The following OCM variants were observed in gnomAD, a reference collection of about 807,000 sequenced individuals.
OCM encodes oncomodulin.
A neutral mutation model predicts 14.1 loss-of-function variants in OCM; 18 were observed. The ratio of observed to expected loss-of-function variants is 1.28; its 90% CI spans 0.88 to 1.89. The LOEUF (loss-of-function observed/expected upper bound fraction) is 1.89. Ranked by LOEUF, OCM falls within the 40% of genes most tolerant of loss-of-function variation. OCM has a pLI of 0.00. For synonymous variants in OCM, 48 were observed against 51.0 expected (o/e 0.94, Z 0.25); for missense variants, 140 against 137.6 (o/e 1.02, Z -0.09).
chr7:5,881,320 A>G (rs1276065501), intron 1 of OCM, among the ~76,000 whole-genome samples: 1 of 143,880 alleles, frequency 7.0e-6, no homozygotes, highest in African/African-American at 2.6e-5. Context: ...TCTGTCTACA[A>G]AAAAAAAAAA....
At chr7:5,884,848 G>A (rs1373513236) in intron 3 of OCM, among the ~76,000 whole-genome samples, 3 of 152,100 alleles carry the variant, frequency 2.0e-5, no homozygotes, top group African/African-American at 7.2e-5. Flanking sequence ...GGCTGGGCGT[G>A]GTGGCTCAGG....
At chr7:5,865,270 G>A in the OCM span, among the ~76,000 whole-genome samples, 3 of 152,164 alleles carry the variant, frequency 2.0e-5, no homozygotes, top group East Asian at 1.9e-4. Flanking sequence ...ATTATTAAGC[G>A]CCTGGGTGTG....
At chr7:5,860,038 G>A in the OCM span, among the ~76,000 whole-genome samples, 1 of 141,202 alleles carries the variant, frequency 7.1e-6, no homozygotes, top group African/African-American at 2.7e-5. Flanking sequence ...TCATGGGGAT[G>A]TCTGCCCAAT....
the OCM span, among the ~76,000 whole-genome samples, chr7:5,862,207 A>T: frequency 2.0e-5 from 3 of 152,216 alleles, no homozygotes; most frequent in African/African-American, 7.2e-5. Flanking sequence ...GTAAATTCTC[A>T]GGACCCCAAA....
intron 3 of OCM, 90 bp downstream of exon 3, chr7:5,884,089 A>G: frequency 2.1e-6 from 3 of 1,437,814 alleles, no homozygotes; most frequent in East Asian, 2.5e-5. Context: ...AATGTGGCTT[A>G]AAATCTCCCT....
At chr7:5,859,976 C>A in the OCM span, among the ~76,000 whole-genome samples, 1 of 152,068 alleles carries the variant, frequency 6.6e-6, no homozygotes, top group Non-Finnish European at 1.5e-5. Flanking sequence ...GTGTGAGCCA[C>A]CGCGCCCAGC....
chr7:5,869,017 C>G, the OCM span, among the ~76,000 whole-genome samples: 2 of 151,864 alleles, frequency 1.3e-5, no homozygotes, highest in African/African-American at 4.8e-5. Context: ...GAGCTGAGAT[C>G]GCGCCATTGT....
At chr7:5,872,823 A>G in the OCM span, among the ~76,000 whole-genome samples, 3 of 152,124 alleles carry the variant, frequency 2.0e-5, 1 homozygote, top group Non-Finnish European at 4.4e-5. Context: ...CTATTATCCT[A>G]TGACCCTGCC....
At chr7:5,860,722 G>A in the OCM span, among the ~76,000 whole-genome samples, 36 of 130,950 alleles carry the variant, frequency 2.7e-4, 7 homozygotes, top group East Asian at 2.6e-4. Context: ...GTATATATAC[G>A]TGTATATATT....
upstream of OCM, among the ~76,000 whole-genome samples, chr7:5,876,355 T>C (rs1400075730): frequency 6.6e-6 from 1 of 152,100 alleles, no homozygotes; most frequent in Non-Finnish European, 1.5e-5. Context: ...CTTGTCATGT[T>C]GTCCAGGCTA....
chr7:5,863,470 C>G, the OCM span, among the ~76,000 whole-genome samples: 281 of 150,704 alleles, frequency 1.9e-3, 3 homozygotes, highest in African/African-American at 6.6e-3. Context: ...GAGAGGGTGG[C>G]AGGAATGGAA....
the OCM span, among the ~76,000 whole-genome samples, chr7:5,860,769 CGTATATATACGT>C: frequency 7.2e-6 from 1 of 138,090 alleles, no homozygotes; most frequent in Admixed American, 7.5e-5. Flanking sequence ...TATATATATT[CGTATATATACGT>C]GTATATATAC....
upstream of OCM, among the ~76,000 whole-genome samples, chr7:5,876,843 T>C (rs1781105976): frequency 1.3e-5 from 2 of 151,750 alleles, no homozygotes; most frequent in African/African-American, 4.8e-5. Flanking sequence ...TTTGCTCTTG[T>C]GGCCCAGGCC....
the OCM span, among the ~76,000 whole-genome samples, chr7:5,864,808 C>T: frequency 2.6e-5 from 4 of 151,978 alleles, no homozygotes; most frequent in Admixed American, 1.3e-4. Context: ...CGTGGTGGTG[C>T]GTGCCTGCAA....
chr7:5,872,810 C>T, the OCM span, among the ~76,000 whole-genome samples: 1 of 152,034 alleles, frequency 6.6e-6, no homozygotes, highest in Non-Finnish European at 1.5e-5. Context: ...GACCTTCTCT[C>T]CACTATTATC....
the OCM span, among the ~76,000 whole-genome samples, chr7:5,863,678 G>A: frequency 6.6e-6 from 1 of 152,044 alleles, no homozygotes; most frequent in Non-Finnish European, 1.5e-5. Context: ...GATTACAGGT[G>A]CGCACCACCA....
At chr7:5,863,269 G>C in the OCM span, among the ~76,000 whole-genome samples, 1 of 152,204 alleles carries the variant, frequency 6.6e-6, no homozygotes. Flanking sequence ...GAAACTCACA[G>C]GTCACAGATG....
At chr7:5,877,325 A>G (rs926699273), upstream of OCM, among the ~76,000 whole-genome samples, 5 of 151,178 alleles carry the variant, frequency 3.3e-5, no homozygotes, top group African/African-American at 1.2e-4. Context: ...AAAATTAGCC[A>G]GGTGTGGTGG....
At chr7:5,865,366 C>T in the OCM span, among the ~76,000 whole-genome samples, 4 of 152,132 alleles carry the variant, frequency 2.6e-5, no homozygotes, top group Admixed American at 6.6e-5. Flanking sequence ...CTTTTACTAA[C>T]GATTCATAAT....
Sources: gnomAD v4.1 joint callset for allele counts (sites outside exome capture counted in the v4.1 genomes callset) on GRCh38, gnomAD v4.1.1 for gene constraint, MANE v1.5 for transcripts, NCBI Gene and HGNC (gene_info 2026-07-23, HGNC 2026-07-21) for gene names.